Variants in XIRP2 observed in about 807,000 individuals in gnomAD.
XIRP2 encodes the protein xin actin-binding repeat-containing protein 2.
A neutral mutation model predicts 277.0 loss-of-function variants in XIRP2; 236 were observed. That is an observed-to-expected ratio of 0.85 (90% confidence interval 0.77 to 0.95). The LOEUF (loss-of-function observed/expected upper bound fraction) is 0.95, where lower values mean the gene tolerates loss of function less well. Ranked by LOEUF, XIRP2 falls within the 40% of genes least tolerant of loss-of-function variation. The pLI is 0.00. For missense variants in XIRP2, 4,640 were observed against 4,157.5 expected (o/e 1.12, Z -3.19); for synonymous variants, 1,490 against 1,416.5 (o/e 1.05, Z -1.17).
intron 2 of XIRP2, among the ~76,000 whole-genome samples, chr2:166,974,446 G>T (rs980802723): frequency 2.0e-5 from 3 of 151,814 alleles, no homozygotes; most frequent in Non-Finnish European, 2.9e-5. Context: ...GTGTATTGTG[G>T]GGTTTAAAAG....
At chr2:166,977,441 A>G (rs146140749) in intron 2 of XIRP2, among the ~76,000 whole-genome samples, 112 of 152,298 alleles carry the variant, frequency 7.4e-4, no homozygotes, top group Middle Eastern at 3.4e-3. Flanking sequence ...TCAATAAAAA[A>G]TTTGGAAGAT....
chr2:167,236,174 C>T (rs557912616), intron 5 of XIRP2, among the ~76,000 whole-genome samples: 1 of 151,984 alleles, frequency 6.6e-6, no homozygotes, highest in Admixed American at 6.6e-5. Flanking sequence ...ACTATTCTGC[C>T]AGTCTTTCCC....
intron 3 of XIRP2, chr2:167,184,604 A>G (rs1319497861): frequency 7.0e-6 from 5 of 717,166 alleles, no homozygotes; most frequent in South Asian, 3.0e-5. Context: ...ATTGACAAAG[A>G]CCCCCAAGAA....
At chr2:166,950,413 GA>G (rs1355831232) in intron 2 of XIRP2, among the ~76,000 whole-genome samples, 2 of 151,756 alleles carry the variant, frequency 1.3e-5, no homozygotes, top group Admixed American at 6.6e-5. Context: ...TTTGTACAAG[GA>G]AAAATTAGAG....
Position 167,192,491 on chromosome 2 carries a change from G to C in XIRP2, c.563-18244G>C, listed in dbSNP as rs184631402. 9.2e-5 allele frequency among the ~76,000 whole-genome samples: 14 copies of C among 152,256 alleles called. No homozygotes were observed. The East Asian group carries it at 2.5e-3, about 27-fold the overall frequency. On this transcript the variant is annotated intron_variant, in intron 3 of 10. Coordinates refer to ENST00000409195, the MANE Select transcript of XIRP2 (RefSeq NM_152381.6). ...TAGAACTGAGTGCTCCTGGGAGAGAGTGAACTATGTTTTTGTAAAGCTAAA... is the reference window on the plus strand; with the variant it reads ...TAGAACTGAGTGCTCCTGGGAGAGACTGAACTATGTTTTTGTAAAGCTAAA...
At chr2:166,935,283 T>G (rs1685461930) in intron 2 of XIRP2, among the ~76,000 whole-genome samples, 2 of 152,214 alleles carry the variant, frequency 1.3e-5, no homozygotes, top group African/African-American at 4.8e-5. Flanking sequence ...ATGCAATATT[T>G]AAAACCATAT....
chr2:167,245,537 G>A lies in XIRP2; in HGVS notation c.4145G>A (p.Gly1382Glu). 1.2e-5 allele frequency: 19 copies of A among 1,613,592 alleles called. No individual in the cohort carries two copies. The highest frequency in any genetic ancestry group is 1.5e-5 in the Non-Finnish European group (18 of 1,179,734). The change falls in exon 9 of 11, where the codon GGA becomes GAA. Residue 1382 changes from glycine to glutamate, a missense_variant. Gly to Glu is a moderately conservative substitution (Grantham distance 98). Coordinates refer to ENST00000409195, the MANE Select transcript of XIRP2 (RefSeq NM_152381.6). ...KSVTQEDIQKGDVSSVRYRFE... is the reference protein window; with the variant it reads ...KSVTQEDIQKEDVSSVRYRFE... ...GTCACACAAGAAGACATTCAGAAGGGAGATGTTAGTTCTGTCAGATACAGA... is the reference window on the plus strand; with the variant it reads ...GTCACACAAGAAGACATTCAGAAGGAAGATGTTAGTTCTGTCAGATACAGA...
At chr2:167,212,351 A>C (rs1444182748) in intron 4 of XIRP2, among the ~76,000 whole-genome samples, 1 of 152,234 alleles carries the variant, frequency 6.6e-6, no homozygotes, top group East Asian at 1.9e-4. Context: ...TTATTTAGTA[A>C]ACAATATTTG....
At chr2:167,088,876 A>G (rs1690056000) in intron 2 of XIRP2, among the ~76,000 whole-genome samples, 1 of 152,144 alleles carries the variant, frequency 6.6e-6, no homozygotes, top group African/African-American at 2.4e-5. Context: ...TCACATTTTC[A>G]TAGCACTCTG....
At chr2:167,105,034 A>G (rs1272467620) in intron 2 of XIRP2, among the ~76,000 whole-genome samples, 1 of 152,070 alleles carries the variant, frequency 6.6e-6, no homozygotes, top group East Asian at 1.9e-4. Flanking sequence ...TATATATTGA[A>G]TAGCAAAACC....
chr2:166,931,527 A>T (rs1685336789), intron 2 of XIRP2, among the ~76,000 whole-genome samples: 1 of 152,152 alleles, frequency 6.6e-6, no homozygotes, highest in Admixed American at 6.6e-5. Flanking sequence ...TATTAAATAT[A>T]TTCTTTTGTG....
intron 3 of XIRP2, among the ~76,000 whole-genome samples, chr2:167,157,117 A>C (rs1692225423): frequency 6.6e-6 from 1 of 152,148 alleles, no homozygotes; most frequent in Non-Finnish European, 1.5e-5. Flanking sequence ...CATTGAGTGC[A>C]CTAAAATCAT....
chr2:167,004,173 A>G (rs751518886), intron 2 of XIRP2, among the ~76,000 whole-genome samples: 1 of 151,922 alleles, frequency 6.6e-6, no homozygotes, highest in African/African-American at 2.4e-5. Flanking sequence ...CAGCAATATA[A>G]GAAGGCAACA....
intron 2 of XIRP2, among the ~76,000 whole-genome samples, chr2:166,971,548 C>G (rs1686578328): frequency 6.6e-6 from 1 of 151,882 alleles, no homozygotes; most frequent in South Asian, 2.1e-4. Context: ...GATTTATGAG[C>G]TCATAAATGA....
intron 5 of XIRP2, among the ~76,000 whole-genome samples, chr2:167,221,282 T>C (rs1362350090): frequency 6.6e-6 from 1 of 151,910 alleles, no homozygotes. Flanking sequence ...TTGACCAACA[T>C]GGAGAAACCC....
At chr2:167,137,207 A>G (rs1364307721) in intron 3 of XIRP2, among the ~76,000 whole-genome samples, 1 of 152,182 alleles carries the variant, frequency 6.6e-6, no homozygotes, top group East Asian at 1.9e-4. Flanking sequence ...GGAACAGTCA[A>G]GGGGAGTTTG....
chr2:166,921,816 G>A (rs983154742), intron 2 of XIRP2, among the ~76,000 whole-genome samples: 1 of 152,066 alleles, frequency 6.6e-6, no homozygotes, highest in Non-Finnish European at 1.5e-5. Flanking sequence ...GCCTAGAGCT[G>A]TACTCCTGCT....
intron 2 of XIRP2, among the ~76,000 whole-genome samples, chr2:167,103,802 C>T (rs930308914): frequency 1.3e-5 from 2 of 152,084 alleles, no homozygotes; most frequent in Non-Finnish European, 2.9e-5. Context: ...ATGCTAATGG[C>T]TTCTCTTTAC....
At chr2:166,907,710 C>T (rs1684563911) in intron 2 of XIRP2, among the ~76,000 whole-genome samples, 1 of 151,370 alleles carries the variant, frequency 6.6e-6, no homozygotes. Flanking sequence ...GTGTGCTGCA[C>T]TCATTAACTC....
Sources: gnomAD v4.1 joint callset for allele counts (sites outside exome capture counted in the v4.1 genomes callset) on GRCh38, gnomAD v4.1.1 for gene constraint, MANE v1.5 for transcripts, NCBI Gene and HGNC (gene_info 2026-07-23, HGNC 2026-07-21) for gene names.